WWOX: variants seen among roughly 807,000 people sequenced by gnomAD.
WWOX encodes WW domain containing oxidoreductase.
A neutral mutation model predicts 46.2 loss-of-function variants in WWOX; 69 were observed. That is an observed-to-expected ratio of 1.49 (90% CI 1.23 to 1.82). The LOEUF is 1.82. WWOX is among the 40% of genes most tolerant of loss of function. WWOX has a pLI of 0.00. For missense variants in WWOX, 919 were observed against 542.6 expected, an observed-to-expected ratio of 1.69 and a Z score of -6.89; for synonymous variants, 359 against 202.6, an observed-to-expected ratio of 1.77 and a Z score of -6.56.
chr16:78,826,560 T>C (rs1209385463), intron 8 of WWOX, among the ~76,000 whole-genome samples: 2 of 152,230 alleles, frequency 1.3e-5, no homozygotes, highest in Admixed American at 6.5e-5. Flanking sequence ...CCTGTGTTCC[T>C]TTCCTGTCTG....
At chr16:78,860,963 A>G (rs184286421) in intron 8 of WWOX, among the ~76,000 whole-genome samples, 22 of 152,148 alleles carry the variant, frequency 1.4e-4, no homozygotes, top group African/African-American at 5.1e-4. Flanking sequence ...CTACAGGCGC[A>G]TGCCGTAACT....
intron 7 of WWOX, among the ~76,000 whole-genome samples, chr16:78,429,687 A>G (rs1022505073): frequency 3.9e-5 from 6 of 152,184 alleles, no homozygotes; most frequent in African/African-American, 1.4e-4. Flanking sequence ...ACTCAGTAGC[A>G]CCTTTGTGTG....
intron 5 of WWOX, among the ~76,000 whole-genome samples, chr16:78,245,640 G>T (rs1445906054): frequency 2.0e-5 from 3 of 152,162 alleles, no homozygotes; most frequent in Admixed American, 2.0e-4. Flanking sequence ...CCTCACTAAT[G>T]TGCATGTCTT....
intron 8 of WWOX, among the ~76,000 whole-genome samples, chr16:79,093,529 A>T (rs60668068): frequency 0.37 from 56,527 of 151,656 alleles, 11,189 homozygotes; most frequent in East Asian, 0.74. Flanking sequence ...AGAGTCATTT[A>T]ACAGTCACAG....
At chr16:78,690,001 C>G (rs552728315) in intron 8 of WWOX, among the ~76,000 whole-genome samples, 158 of 152,192 alleles carry the variant, frequency 1.0e-3, no homozygotes, top group Non-Finnish European at 1.4e-3. Flanking sequence ...GCTGGGATTA[C>G]AGGTGCCCGC....
At chr16:78,114,195 T>TC (rs1411430744) in intron 3 of WWOX, among the ~76,000 whole-genome samples, 1 of 150,680 alleles carries the variant, frequency 6.6e-6, no homozygotes, top group African/African-American at 2.4e-5. Flanking sequence ...TCTCTTAGGC[T>TC]CACGTGATCA....
intron 8 of WWOX, among the ~76,000 whole-genome samples, chr16:78,662,362 A>G (rs1028524405): frequency 3.3e-5 from 5 of 152,158 alleles, no homozygotes; most frequent in African/African-American, 1.2e-4. Flanking sequence ...AGAGAGCGCA[A>G]TGAGACATCT....
At chr16:78,999,542 G>C (rs74491239) in intron 8 of WWOX, among the ~76,000 whole-genome samples, 1,732 of 152,308 alleles carry the variant, frequency 0.011, 35 homozygotes, top group African/African-American at 0.04. Flanking sequence ...AGGAAATCTA[G>C]ACATCAGCGA....
chr16:78,736,814 G>A (rs1309908282), intron 8 of WWOX, among the ~76,000 whole-genome samples: 2 of 152,076 alleles, frequency 1.3e-5, no homozygotes, highest in African/African-American at 2.4e-5. Context: ...TCACCGTCTT[G>A]CCCTGGCTGG....
At chr16:79,038,131 G>C (rs926136623) in intron 8 of WWOX, among the ~76,000 whole-genome samples, 1 of 152,042 alleles carries the variant, frequency 6.6e-6, no homozygotes, top group Non-Finnish European at 1.5e-5. Context: ...AAAAGGATCT[G>C]TCCCCCCGTG....
chr16:78,829,993 C>T (rs143873758), intron 8 of WWOX, among the ~76,000 whole-genome samples: 93 of 152,234 alleles, frequency 6.1e-4, no homozygotes, highest in Non-Finnish European at 5.3e-4. Flanking sequence ...CACAGTGGCT[C>T]ACACCTGTAA....
intron 5 of WWOX, among the ~76,000 whole-genome samples, chr16:78,381,884 C>A (rs184684500): frequency 1.3e-5 from 2 of 151,986 alleles, no homozygotes; most frequent in African/African-American, 4.8e-5. Context: ...TCCTTTTTTA[C>A]TCAGACAGTC....
At chr16:78,512,875 G>A (rs2085396783) in intron 8 of WWOX, among the ~76,000 whole-genome samples, 1 of 152,152 alleles carries the variant, frequency 6.6e-6, no homozygotes, top group African/African-American at 2.4e-5. Context: ...AATCACTTTG[G>A]AAGAATCTGG....
intron 8 of WWOX, among the ~76,000 whole-genome samples, chr16:78,625,230 C>T (rs564951764): frequency 2.6e-5 from 4 of 152,252 alleles, no homozygotes; most frequent in African/African-American, 7.2e-5. Flanking sequence ...CTGGGGTCAC[C>T]GGGGTCGCTG....
At chr16:78,701,679 C>G (rs551256500) in intron 8 of WWOX, among the ~76,000 whole-genome samples, 1 of 152,020 alleles carries the variant, frequency 6.6e-6, no homozygotes, top group African/African-American at 2.4e-5. Context: ...TCTATGAGCT[C>G]GAAGGGAGCA....
intron 8 of WWOX, among the ~76,000 whole-genome samples, chr16:78,766,178 C>G (rs1720228111): frequency 6.6e-6 from 1 of 152,232 alleles, no homozygotes; most frequent in East Asian, 1.9e-4. Flanking sequence ...GCAGGACATA[C>G]TGCGTGCCTT....
At chr16:79,007,396 C>T (rs903804747) in intron 8 of WWOX, among the ~76,000 whole-genome samples, 2 of 152,048 alleles carry the variant, frequency 1.3e-5, no homozygotes, top group East Asian at 1.9e-4. Context: ...ACACAGTGGC[C>T]CTGAGACACT....
At chr16:78,332,806 T>G (rs368953511) in intron 5 of WWOX, among the ~76,000 whole-genome samples, 1 of 152,124 alleles carries the variant, frequency 6.6e-6, no homozygotes, top group African/African-American at 2.4e-5. Flanking sequence ...ACAGGAAATA[T>G]TAGCCCCATT....
chr16:79,198,230 C>T (rs1169881087), intron 8 of WWOX, among the ~76,000 whole-genome samples: 5 of 151,802 alleles, frequency 3.3e-5, no homozygotes, highest in Admixed American at 6.6e-5. Context: ...CCCAGCTACT[C>T]GGGAGGCTGA....
Sources: gnomAD v4.1 joint callset for allele counts (sites outside exome capture counted in the v4.1 genomes callset) on GRCh38, gnomAD v4.1.1 for gene constraint, MANE v1.5 for transcripts, NCBI Gene and HGNC (gene_info 2026-07-23, HGNC 2026-07-21) for gene names.